The following CD163L1 variants were observed in gnomAD, a reference collection of about 807,000 sequenced individuals.
The protein encoded by CD163L1 is CD163 molecule like 1.
Under a neutral mutation model 165.4 loss-of-function variants are expected in CD163L1, and 124 were observed. The observed-to-expected ratio is 0.75, with a 90% CI of 0.65 to 0.87. CD163L1 has a LOEUF of 0.87. CD163L1 is among the 40% of genes least tolerant of loss of function. The pLI, the probability that CD163L1 is intolerant of heterozygous loss-of-function variation, is 0.00. For synonymous variants in CD163L1, 585 were observed against 662.2 expected (o/e 0.88, Z 1.79); for missense variants, 1,525 against 1,799.9 (o/e 0.85, Z 2.76).
chr12:7,323,557 T>G, the CD163L1 span: 12 of 1,611,838 alleles, frequency 7.4e-6, no homozygotes, highest in Admixed American at 5.0e-5. Context: ...TCTCTAAATA[T>G]GTGGTATGAG....
At chr12:7,411,718 T>A (rs1157510450) in intron 4 of CD163L1, among the ~76,000 whole-genome samples, 1 of 152,160 alleles carries the variant, frequency 6.6e-6, no homozygotes, top group Non-Finnish European at 1.5e-5. Context: ...TTATAAATTA[T>A]CCAGTCTCCG....
At chr12:7,417,212 CTGTT>C (rs1245664257) in intron 4 of CD163L1, among the ~76,000 whole-genome samples, 3 of 151,970 alleles carry the variant, frequency 2.0e-5, no homozygotes, top group South Asian at 2.1e-4. Context: ...ATTTGGCTCT[CTGTT>C]TGTCTATTAT....
At chr12:7,422,851 C>A (rs1371571210) in intron 4 of CD163L1, among the ~76,000 whole-genome samples, 1 of 151,148 alleles carries the variant, frequency 6.6e-6, no homozygotes, top group Non-Finnish European at 1.5e-5. Context: ...GACCTACAAA[C>A]AGACTTGGAC....
chr12:7,386,136 A>T (rs763094053), intron 8 of CD163L1, among the ~76,000 whole-genome samples: 8 of 152,062 alleles, frequency 5.3e-5, no homozygotes, highest in Non-Finnish European at 1.2e-4. Context: ...AAAGAGAAAC[A>T]TTACAACTGA....
intron 4 of CD163L1, among the ~76,000 whole-genome samples, chr12:7,423,269 C>G (rs1211104358): frequency 6.6e-6 from 1 of 152,054 alleles, no homozygotes; most frequent in Non-Finnish European, 1.5e-5. Flanking sequence ...TAATGAAGTT[C>G]CTTGAAACCA....
intron 4 of CD163L1, among the ~76,000 whole-genome samples, chr12:7,421,440 C>T (rs1444791584): frequency 2.2e-4 from 19 of 88,142 alleles, no homozygotes; most frequent in African/African-American, 9.1e-4. Context: ...TACATATATA[C>T]ATATACATAT....
rs1408810973 is a variant in CD163L1 at position 7,375,933 on chromosome 12, G to A, written c.2453C>T (p.Ser818Phe). The part of the protein sequence containing the change: ...VEVKHADTWR[S>F]VCDSDFSLHA... ...AAGAGAGAAATCAGAATCACAGACA[G>A]AGCGCCATGTGTCTGCATGTTTCAC... Residue 818 changes from serine to phenylalanine, a missense_variant, in exon 10 of 20, where the codon TCT (serine) becomes TTT (phenylalanine). By Grantham distance (155) the Ser-to-Phe change is radical. Coordinates refer to ENST00000313599, the MANE Select transcript of CD163L1 (RefSeq NM_174941.6). 2 of 1,614,110 alleles carry A rather than the reference G, an allele frequency of 1.2e-6. No individual in the cohort carries two copies. Among genetic ancestry groups the A allele is most frequent in the Admixed American group, 3.3e-5 (2 of 60,014 alleles).
chr12:7,444,025 T>C (rs2136660630), intron 1 of CD163L1, 72 bp downstream of exon 1: 6 of 1,353,932 alleles, frequency 4.4e-6, no homozygotes, highest in Non-Finnish European at 6.3e-6. Context: ...TTATATCTGT[T>C]TGTTGTTACA....
the CD163L1 span, among the ~76,000 whole-genome samples, chr12:7,319,605 AG>A: frequency 2.6e-5 from 4 of 150,990 alleles, no homozygotes; most frequent in African/African-American, 7.3e-5. Flanking sequence ...AAAAAAAAAA[AG>A]AAAAAAATAC....
intron 4 of CD163L1, among the ~76,000 whole-genome samples, chr12:7,421,762 TATATATA>T (rs1433324897): frequency 0.092 from 13,072 of 142,696 alleles, 1,081 homozygotes; most frequent in African/African-American, 0.21. Flanking sequence ...TATATATATA[TATATATA>T]TTTTTTCTTC....
the CD163L1 span, among the ~76,000 whole-genome samples, chr12:7,322,758 T>G: frequency 2.0e-5 from 3 of 152,174 alleles, no homozygotes; most frequent in African/African-American, 7.2e-5. Context: ...CTCCCCCTTA[T>G]GCAGGATAAA....
At chr12:7,415,312 A>G (rs1037740852) in intron 4 of CD163L1, among the ~76,000 whole-genome samples, 64 of 152,208 alleles carry the variant, frequency 4.2e-4, no homozygotes, top group African/African-American at 1.4e-3. Context: ...AAAAACTAGT[A>G]GACACACCAA....
intron 8 of CD163L1, among the ~76,000 whole-genome samples, chr12:7,381,599 T>C (rs1251680385): frequency 6.6e-6 from 1 of 152,202 alleles, no homozygotes; most frequent in African/African-American, 2.4e-5. Flanking sequence ...GGGTGGTAGA[T>C]CAGTCTTAGC....
chr12:7,343,086 G>C (rs746227555), downstream of CD163L1, among the ~76,000 whole-genome samples: 3 of 152,080 alleles, frequency 2.0e-5, no homozygotes, highest in African/African-American at 4.8e-5. Context: ...AGGATATTAG[G>C]GATGGGGAAA....
chr12:7,394,520 G>T (rs1045642225), intron 8 of CD163L1, among the ~76,000 whole-genome samples: 53 of 152,130 alleles, frequency 3.5e-4, no homozygotes, highest in African/African-American at 1.3e-3. Flanking sequence ...TACCATTCAG[G>T]ACATAAGCAT....
chr12:7,339,530 C>G, the CD163L1 span, among the ~76,000 whole-genome samples: 7 of 152,104 alleles, frequency 4.6e-5, no homozygotes, highest in Non-Finnish European at 8.8e-5. Flanking sequence ...TGGCCATAAG[C>G]TGGCAACTCT....
intron 4 of CD163L1, among the ~76,000 whole-genome samples, chr12:7,349,292 A>T (rs1946692129): frequency 6.6e-6 from 1 of 152,274 alleles, no homozygotes; most frequent in South Asian, 2.1e-4. Context: ...GATGTGATTG[A>T]CACTCTTTTG....
At position 7,389,944 on chromosome 12, in the gene CD163L1, T is replaced by TTTTATATATATATA. The variant is rs1246868722; in HGVS notation, c.2050+6137_2050+6150dup. On this transcript the variant is annotated intron_variant, in intron 8 of 19. Coordinates refer to ENST00000313599, the MANE Select transcript of CD163L1 (RefSeq NM_174941.6). ...CAAAGGATGAATGAATAATTAAACA[T>TTTTATATATATATA]TTTATATATATATATTTATATATAT... Among the ~76,000 whole-genome samples the TTTTATATATATATA allele has an allele frequency of 9.0e-3, 1,207 of 133,666 alleles. 28 individuals are homozygous for TTTTATATATATATA. Among genetic ancestry groups the TTTTATATATATATA allele is most frequent in the African/African-American group, 0.033 (1,108 of 33,790 alleles). 87.7% of individuals were successfully genotyped at this position (133,666 alleles called of 152,430 possible). A position where few individuals can be genotyped will look rare whatever the true frequency, so the allele number is the denominator to read the frequency against.
In CD163L1 at chr12:7,433,598, TCA is replaced by T. The variant is rs1948667559; in HGVS notation, c.219_220del (p.Cys73Ter). 1.9e-6 allele frequency: 3 copies of T among 1,614,054 alleles called. No individual in the cohort carries two copies. The highest frequency in any genetic ancestry group is 3.3e-5 in the Admixed American group (2 of 60,000). ...TGAGGCAGTAGTGTTCCACCCATCA[TCA>T]CACACAGTCCCCCACTGTCCCTGGA... is the stretch of plus-strand genomic sequence containing the variant. On this transcript the variant is annotated stop_gained and frameshift_variant, in exon 3 of 20. Transcript: ENST00000313599. LOFTEE classifies it high-confidence loss of function.
Sources: gnomAD v4.1 joint callset for allele counts (sites outside exome capture counted in the v4.1 genomes callset) on GRCh38, gnomAD v4.1.1 for gene constraint, MANE v1.5 for transcripts, NCBI Gene and HGNC (gene_info 2026-07-23, HGNC 2026-07-21) for gene names.